Variants in LIN28B observed in about 807,000 individuals in gnomAD.
LIN28B encodes lin-28 RNA binding posttranscriptional regulator B, also known as protein lin-28 homolog B.
In LIN28B, 5 loss-of-function variants were observed where a neutral mutation model predicts 21.9. The observed-to-expected ratio is 0.23, with a 90% CI of 0.12 to 0.48. The LOEUF (loss-of-function observed/expected upper bound fraction) is 0.48, where lower values mean the gene tolerates loss of function less well. Among genes scored for constraint, LIN28B ranks in the 20% least tolerant of loss-of-function variants. The pLI is 0.98. For missense variants in LIN28B, 245 were observed against 310.5 expected (o/e 0.79, Z 1.58); for synonymous variants, 109 against 111.3 (o/e 0.98, Z 0.13).
rs754406847 is a variant in LIN28B at position 105,018,894 on chromosome 6, G to A, written c.199-7404G>A. 1.8e-4 allele frequency among the ~76,000 whole-genome samples: 27 copies of A among 151,584 alleles called. 1 individual carries two copies. The highest frequency in any genetic ancestry group is 5.3e-4 in the Admixed American group (8 of 15,198). Reference sequence around the variant, plus strand: ...ATAGCTCTGGATATACTAAATAGATGGTGTATAAAATTTCTTTTGTTCTCT... The same window carrying A: ...ATAGCTCTGGATATACTAAATAGATAGTGTATAAAATTTCTTTTGTTCTCT... On this transcript the variant is annotated intron_variant, in intron 2 of 3. Transcript: ENST00000345080.
chr6:105,032,642 A>T (rs1771447218), intron 3 of LIN28B, among the ~76,000 whole-genome samples: 1 of 151,880 alleles, frequency 6.6e-6, no homozygotes, highest in Non-Finnish European at 1.5e-5. Flanking sequence ...GGATCACTTG[A>T]GCCTGAGAGG....
intron 3 of LIN28B, among the ~76,000 whole-genome samples, chr6:105,046,166 C>A (rs946339194): frequency 6.6e-6 from 1 of 152,132 alleles, no homozygotes; most frequent in African/African-American, 2.4e-5. Flanking sequence ...TCCGTCCCCC[C>A]TCCCTCCACC....
chr6:105,029,439 T>C (rs1771371135), intron 3 of LIN28B, among the ~76,000 whole-genome samples: 1 of 152,110 alleles, frequency 6.6e-6, no homozygotes, highest in Admixed American at 6.6e-5. Context: ...CTTACAAACC[T>C]GGAGGAAAGG....
At chr6:104,947,299 A>AT (rs1778167736) in intron 2 of LIN28B, among the ~76,000 whole-genome samples, 1 of 151,958 alleles carries the variant, frequency 6.6e-6, no homozygotes, top group African/African-American at 2.4e-5. Flanking sequence ...TAATTCATGT[A>AT]TTTTTAGTAG....
intron 3 of LIN28B, among the ~76,000 whole-genome samples, chr6:105,040,026 A>G (rs1417463564): frequency 6.6e-6 from 1 of 152,160 alleles, no homozygotes; most frequent in Non-Finnish European, 1.5e-5. Flanking sequence ...TTTTCAGTAA[A>G]TAATCATGTT....
At chr6:105,043,341 C>CAAAAAAAAAAA (rs57532096) in intron 3 of LIN28B, among the ~76,000 whole-genome samples, 5 of 75,386 alleles carry the variant, frequency 6.6e-5, no homozygotes, top group Admixed American at 1.6e-4. Context: ...GACTCTGTCT[C>CAAAAAAAAAAA]AAAAAAAAAA....
intron 2 of LIN28B, among the ~76,000 whole-genome samples, chr6:105,021,511 C>T (rs1314824605): frequency 6.6e-6 from 1 of 152,020 alleles, no homozygotes; most frequent in Non-Finnish European, 1.5e-5. Flanking sequence ...CTCTTTTTCC[C>T]ACATCCTTGC....
At chr6:105,060,322 G>T (rs1772102380) in intron 3 of LIN28B, among the ~76,000 whole-genome samples, 1 of 152,104 alleles carries the variant, frequency 6.6e-6, no homozygotes, top group African/African-American at 2.4e-5. Context: ...GGAGTGCAGT[G>T]GTGTGATCAT....
chr6:104,998,289 G>A (rs1453946069), intron 2 of LIN28B, among the ~76,000 whole-genome samples: 4 of 152,100 alleles, frequency 2.6e-5, no homozygotes, highest in African/African-American at 9.7e-5. Flanking sequence ...TATTCATAAA[G>A]CATAAAGTTC....
intron 3 of LIN28B, among the ~76,000 whole-genome samples, chr6:105,071,178 G>A (rs965001322): frequency 2.6e-5 from 4 of 151,970 alleles, no homozygotes; most frequent in Admixed American, 2.0e-4. Flanking sequence ...GCACCCGGCC[G>A]GTTTTTACAT....
At chr6:104,950,516 C>CTT (rs74879333) in intron 3 of LIN28B, 352 of 1,034,268 alleles carry the variant, frequency 3.4e-4, no homozygotes, top group African/African-American at 5.4e-4. Flanking sequence ...CCAGGTTAGT[C>CTT]TTTTTTTTTT....
At chr6:104,978,330 G>C (rs1770147200) in intron 2 of LIN28B, among the ~76,000 whole-genome samples, 1 of 152,180 alleles carries the variant, frequency 6.6e-6, no homozygotes, top group Non-Finnish European at 1.5e-5. Context: ...ATATTTTGAA[G>C]TGGCAGTCTC....
upstream of LIN28B, among the ~76,000 whole-genome samples, chr6:104,956,242 C>G (rs1423582667): frequency 6.6e-6 from 1 of 152,056 alleles, no homozygotes; most frequent in African/African-American, 2.4e-5. Flanking sequence ...GATCCCCTCC[C>G]CCTCCTGCCC....
rs1266373171 is a variant in LIN28B at position 104,958,357 on chromosome 6, TAGACGTACGATA to T, written c.198+75_198+86del. 7 of 1,201,806 alleles carry T rather than the reference TAGACGTACGATA, an allele frequency of 5.8e-6. No individual in the cohort carries two copies. The East Asian group carries it at 1.7e-4, about 29-fold the overall frequency. 74.4% of individuals were successfully genotyped at this position (1,201,806 alleles called of 1,614,324 possible). On this transcript the variant is annotated intron_variant, in intron 2 of 3. Coordinates refer to ENST00000345080, the MANE Select transcript of LIN28B (RefSeq NM_001004317.4). ...AGGAGCTGATCGGTAGTTATGCCAA[TAGACGTACGATA>T]AGATGTCCTTCGGTATATTGAAAGA...
At chr6:104,986,472 GTC>G (rs1005112237) in intron 2 of LIN28B, among the ~76,000 whole-genome samples, 5 of 145,576 alleles carry the variant, frequency 3.4e-5, no homozygotes, top group African/African-American at 1.3e-4. Flanking sequence ...TTCCCATATT[GTC>G]TCTTTATTTT....
upstream of LIN28B, among the ~76,000 whole-genome samples, chr6:104,953,312 G>A (rs568478141): frequency 1.6e-4 from 25 of 152,300 alleles, no homozygotes; most frequent in African/African-American, 6.0e-4. Flanking sequence ...GGCATGGCCC[G>A]GTGGGGGTGG....
At chr6:105,067,383 T>C (rs1021228557) in intron 3 of LIN28B, among the ~76,000 whole-genome samples, 2 of 152,166 alleles carry the variant, frequency 1.3e-5, no homozygotes, top group East Asian at 1.9e-4. Context: ...TTTTATTTAT[T>C]TGTGTATATG....
chr6:104,958,395 C>T (rs907489177), intron 2 of LIN28B, 109 bp downstream of exon 2: 85 of 870,876 alleles, frequency 9.8e-5, no homozygotes, highest in Non-Finnish European at 1.4e-4. Flanking sequence ...TATTGAAAGA[C>T]AAAATCTTCC....
At position 104,958,130 on chromosome 6, in the gene LIN28B, C is replaced by G. The variant is rs745884764; in HGVS notation, c.42C>G (p.Pro14=). The change falls in exon 2 of 4, where the codon CCC becomes CCG. Residue 14 remains proline, a synonymous_variant. Transcript: ENST00000345080. ...GGASKGGGEE[P]GKLPEPAEEE... ...CTAGCAAAGGTGGTGGAGAAGAGCC[C>G]GGGAAGCTGCCGGAGCCGGCAGAGG... 1.2e-6 allele frequency: 2 copies of G among 1,602,896 alleles called. No homozygotes were observed. Among genetic ancestry groups the G allele is most frequent in the East Asian group, 2.2e-5 (1 of 44,602 alleles).
Sources: gnomAD v4.1 joint callset for allele counts (sites outside exome capture counted in the v4.1 genomes callset) on GRCh38, gnomAD v4.1.1 for gene constraint, MANE v1.5 for transcripts, NCBI Gene and HGNC (gene_info 2026-07-23, HGNC 2026-07-21) for gene names.